Variants in DNAH2 observed in about 807,000 individuals in gnomAD.
The protein encoded by DNAH2 is axonemal beta dynein heavy chain 2.
Under a neutral mutation model 523.5 loss-of-function variants are expected in DNAH2, and 323 were observed. The observed-to-expected ratio is 0.62, with a 90% CI of 0.56 to 0.68. DNAH2 has a LOEUF of 0.68. Ranked by LOEUF, DNAH2 falls within the 30% of genes least tolerant of loss-of-function variation. DNAH2 has a pLI of 0.00. For synonymous variants in DNAH2, 2,093 were observed against 2,177.4 expected (o/e 0.96, Z 1.08); for missense variants, 4,907 against 5,701.5 (o/e 0.86, Z 4.49).
At chr17:7,801,783 C>A in intron 57 of DNAH2, 73 bp downstream of exon 57, 1 of 1,609,574 alleles carries the variant, frequency 6.2e-7, no homozygotes. Context: ...CTCATCGCAC[C>A]CCCGGCCTCT....
chr17:7,810,353 C>T (rs2077479428), intron 63 of DNAH2, among the ~76,000 whole-genome samples: 1 of 152,028 alleles, frequency 6.6e-6, no homozygotes, highest in Non-Finnish European at 1.5e-5. Flanking sequence ...GGGTGAGCCA[C>T]CCCACCTGGC....
chr17:7,786,676 C>T lies in DNAH2; in HGVS notation c.6455C>T (p.Thr2152Met), dbSNP rs369087648. 38 of 1,613,724 alleles carry T rather than the reference C, an allele frequency of 2.4e-5. No individual in the cohort carries two copies. Among genetic ancestry groups the T allele is most frequent in the African/African-American group, 1.1e-4 (8 of 74,858 alleles). ...TDGILSSVMR[T>M]ACADEKPDEK... The stretch of plus-strand genomic sequence containing the variant: ...GGCATCTTGTCCAGTGTCATGCGGA[C>T]GGCATGTGCAGGTATCCAGAGGATC... Residue 2152 changes from threonine (T) to methionine (M), a missense_variant, in exon 41 of 86, where the codon ACG (threonine) becomes ATG (methionine). Transcript: ENST00000572933. This position sits in a 1 kb window ranked among gnomAD's most constrained non-coding sequence, Gnocchi z 7.5.
Position 7,754,591 on chromosome 17 carries a change from C to A in DNAH2, c.1905-2500C>A. On this transcript the variant is annotated intron_variant, in intron 12 of 85. Transcript: ENST00000572933. The surrounding 1 kb of genome is among the most constrained non-coding windows in gnomAD (Gnocchi z 4.6). Reference sequence around the variant, plus strand: ...AATGCCAAGGCCATGAGTCCACGTGCCGAGGCTCTCAAGGCCCTCGTAAAG... The same window carrying A: ...AATGCCAAGGCCATGAGTCCACGTGACGAGGCTCTCAAGGCCCTCGTAAAG... 1 of 1,498,474 alleles carries A rather than the reference C, an allele frequency of 6.7e-7. No individual in the cohort carries two copies. Among genetic ancestry groups the A allele is most frequent in the South Asian group, 1.1e-5 (1 of 88,864 alleles). The allele number at this position is 1,498,474 out of a possible 1,614,324, so 92.8% of individuals were successfully genotyped here. A position where few individuals can be genotyped will look rare whatever the true frequency, so the allele number is the denominator to read the frequency against.
chr17:7,817,938 C>T lies in DNAH2; in HGVS notation c.10237-8C>T. On this transcript the variant is annotated splice_polypyrimidine_tract_variant and splice_region_variant and intron_variant, in intron 67 of 85. Transcript: ENST00000572933. The stretch of plus-strand genomic sequence containing the variant: ...TAGTGTTCCTTCACCTTCCCCCTTG[C>T]TCTCTAGGGCCTGAAGATCATCGAC... 6.2e-7 allele frequency: 1 copy of T among 1,614,054 alleles called. No homozygotes were observed. Among genetic ancestry groups the T allele is most frequent in the Non-Finnish European group, 8.5e-7 (1 of 1,179,986 alleles).
At position 7,753,204 on chromosome 17, in the gene DNAH2, T is replaced by C. The variant is rs576352223; in HGVS notation, c.1905-3887T>C. 5.3e-5 allele frequency among the ~76,000 whole-genome samples: 8 copies of C among 152,194 alleles called. No individual in the cohort carries two copies. The East Asian group carries it at 1.4e-3, about 26-fold the overall frequency. On this transcript the variant is annotated intron_variant, in intron 12 of 85. Coordinates refer to ENST00000572933, the MANE Select transcript of DNAH2 (RefSeq NM_020877.5). ...CATGGTTCTGGTGTAGGCGGTGGGA[T>C]AGTACCCTTCCCTGAGGCAGGAGCG... is the stretch of plus-strand genomic sequence containing the variant.
chr17:7,786,812 T>A lies in DNAH2; in HGVS notation c.6467-85T>A. 6.2e-7 allele frequency: 1 copy of A among 1,604,632 alleles called. No homozygotes were observed. The highest frequency in any genetic ancestry group is 8.5e-7 in the Non-Finnish European group (1 of 1,173,734). On this transcript the variant is annotated intron_variant, in intron 41 of 85. Coordinates refer to ENST00000572933, the MANE Select transcript of DNAH2 (RefSeq NM_020877.5). This position sits in a 1 kb window ranked among gnomAD's most constrained non-coding sequence, Gnocchi z 7.5. ...TGGGGAATGCTGAAGTACAAGGGAG[T>A]GTAGGCTTGTGTCTCCGAGGAGCGT...
At chr17:7,776,961 C>A in intron 32 of DNAH2, 72 bp downstream of exon 32, 1 of 1,277,264 alleles carries the variant, frequency 7.8e-7, no homozygotes, top group Non-Finnish European at 1.1e-6. Flanking sequence ...TAGGAGCCCA[C>A]TCGCTTGAGC....
chr17:7,798,075 G>A lies in DNAH2; in HGVS notation c.8231-82G>A. The A allele has an allele frequency of 6.7e-7, 1 of 1,499,436 alleles. No homozygotes were observed. The highest frequency in any genetic ancestry group is 1.3e-5 in the South Asian group (1 of 74,496). The allele number at this position is 1,499,436 out of a possible 1,614,324, so 92.9% of individuals were successfully genotyped here. On this transcript the variant is annotated intron_variant, in intron 53 of 85. Transcript: ENST00000572933. This position sits in a 1 kb window ranked among gnomAD's most constrained non-coding sequence, Gnocchi z 5.5. ...TGGTTCCTCTGCTTCAGTTTCAGGG[G>A]CCCCAATCCCTAGCCTAGGGCCTGG...
chr17:7,734,222 TC>T lies in DNAH2; in HGVS notation c.671del (p.Pro224LeufsTer5), dbSNP rs1279743616. On this transcript the variant is annotated frameshift_variant, in exon 6 of 86. Transcript: ENST00000572933. LOFTEE classifies it high-confidence loss of function. ...CTGGAGGGGCACACGGTCCTCTACA[TC>T]CCTGCAGAGGCCATGAACATGAAGC... ...YKLEGHTVLY[I>X]PAEAMNMKPE... 10 of 1,605,188 alleles carry T rather than the reference TC, an allele frequency of 6.2e-6. No homozygotes were observed. Among genetic ancestry groups the T allele is most frequent in the Non-Finnish European group, 8.5e-6 (10 of 1,175,668 alleles).
rs376197339 is a variant in DNAH2 at position 7,734,644 on chromosome 17, C to A, written c.914C>A (p.Ser305Tyr). 6.2e-7 allele frequency: 1 copy of A among 1,613,060 alleles called. No homozygotes were observed. The highest frequency in any genetic ancestry group is 1.3e-5 in the African/African-American group (1 of 74,630). Residue 305 changes from serine (S) to tyrosine (Y), a missense_variant, in exon 7 of 86, where the codon TCC becomes TAC. Ser to Tyr is a moderately radical substitution (Grantham distance 144, BLOSUM62 -2). This residue lies in a region of DNAH2 where 2,806 missense variants were observed against 3,190.8 expected (regional missense o/e 0.88). Transcript: ENST00000572933. ...AAGAAGGGAGTGAAGCACGTTGAAT[C>A]CATCCTGCACCTTGCCAAGTCGTCC... ...LVKKGVKHVE[S>Y]ILHLAKSSYL...
Position 7,780,032 on chromosome 17 carries a change from A to C in DNAH2, c.5723-125A>C. On this transcript the variant is annotated intron_variant, in intron 36 of 85. Transcript: ENST00000572933. The surrounding 1 kb of genome is among the most constrained non-coding windows in gnomAD (Gnocchi z 4.4). ...GAGATGAGAAAGGATGTGGTCTTGG[A>C]GTTGGAGAGAAAGTTAGGGATGGAG... 7.8e-7 allele frequency: 1 copy of C among 1,276,480 alleles called. No homozygotes were observed. Among genetic ancestry groups the C allele is most frequent in the Non-Finnish European group, 1.1e-6 (1 of 918,416 alleles). 79.1% of individuals were successfully genotyped at this position (1,276,480 alleles called of 1,614,324 possible). A position where few individuals can be genotyped will look rare whatever the true frequency, so the allele number is the denominator to read the frequency against.
At chr17:7,789,166 A>AAAAAAC (rs144349820) in intron 44 of DNAH2, among the ~76,000 whole-genome samples, 5 of 151,592 alleles carry the variant, frequency 3.3e-5, no homozygotes, top group South Asian at 4.2e-4. Flanking sequence ...ACTCTGTCTC[A>AAAAAAC]AAAAACAAAA....
chr17:7,824,080 A>G (rs1258234085), intron 75 of DNAH2, 41 bp from the exon 76 acceptor site: 2 of 1,569,058 alleles, frequency 1.3e-6, no homozygotes, highest in Non-Finnish European at 8.6e-7. Context: ...CACTTTGGTC[A>G]TGTGGCCTTC....
At chr17:7,743,909 T>C (rs999584921) in intron 12 of DNAH2, 2 of 152,476 alleles carry the variant, frequency 1.3e-5, no homozygotes, top group African/African-American at 4.8e-5. Flanking sequence ...GCACCTTCCA[T>C]GTGTCAGGAA....
In DNAH2 at chr17:7,771,401, C is replaced by A; in HGVS notation, c.4434C>A (p.Ser1478Arg). The A allele has an allele frequency of 6.2e-7, 1 of 1,614,096 alleles. No individual in the cohort carries two copies. The highest frequency in any genetic ancestry group is 8.5e-7 in the Non-Finnish European group (1 of 1,179,988). Reference protein sequence around the residue: ...NESTLFDQVNSNWKAIMDRMN... With the variant: ...NESTLFDQVNRNWKAIMDRMN... ...CGACCTTATTTGACCAGGTCAACAG[C>A]AACTGGAAAGCCATCATGGACAGGA... Residue 1478 changes from serine to arginine, a missense_variant, in exon 28 of 86, where the codon AGC becomes AGA. Ser to Arg is a moderately radical substitution (Grantham distance 110). Coordinates refer to ENST00000572933, the MANE Select transcript of DNAH2 (RefSeq NM_020877.5).
In DNAH2 at chr17:7,776,128, G is replaced by C. The variant is rs754896164; in HGVS notation, c.4926G>C (p.Trp1642Cys). The C allele has an allele frequency of 2.5e-5, 41 of 1,613,760 alleles. No homozygotes were observed. The highest frequency in any genetic ancestry group is 3.3e-5 in the Non-Finnish European group (39 of 1,179,896). The change falls in exon 31 of 86, where the codon TGG (tryptophan) becomes TGC (cysteine). Residue 1642 changes from tryptophan (W) to cysteine (C), a missense_variant. By Grantham distance (215) the Trp-to-Cys change is radical. Transcript: ENST00000572933. ...LRKFLNKRDK[W>C]VKEWAGQVVI... is the part of the protein sequence containing the mutation. Reference sequence around the variant, plus strand: ...AGTTCCTCAACAAGAGGGACAAATGGGTGAAGGAGTGGGCTGGCCAGGTGA... The same window carrying C: ...AGTTCCTCAACAAGAGGGACAAATGCGTGAAGGAGTGGGCTGGCCAGGTGA...
At chr17:7,789,658 C>T (rs748592558) in intron 44 of DNAH2, among the ~76,000 whole-genome samples, 2 of 150,886 alleles carry the variant, frequency 1.3e-5, no homozygotes, top group Non-Finnish European at 2.9e-5. Flanking sequence ...CTCACCGCAA[C>T]CTCCGCCTTG....
rs377271135 is a variant in DNAH2 at position 7,757,080 on chromosome 17, C to T, written c.1905-11C>T. ...GCGGTCCCCTCACTGCCTGGCTGCT[C>T]TCTCTCAAAGGTCCCTTCTGATTCT... is the stretch of plus-strand genomic sequence containing the variant. On this transcript the variant is annotated splice_polypyrimidine_tract_variant and intron_variant, in intron 12 of 85. Transcript: ENST00000572933. 89 of 1,613,972 alleles carry T rather than the reference C, an allele frequency of 5.5e-5. No individual in the cohort carries two copies. The African/African-American group carries it at 1.1e-3, about 20-fold the overall frequency.
In DNAH2 at chr17:7,734,476, T is replaced by C; in HGVS notation, c.746T>C (p.Met249Thr). Residue 249 changes from methionine to threonine, a missense_variant, in exon 7 of 86, where the codon ATG becomes ACG. By Grantham distance (81) the Met-to-Thr change is moderately conservative. This residue lies in a region of DNAH2 where 2,806 missense variants were observed against 3,190.8 expected (regional missense o/e 0.88). Transcript: ENST00000572933. The stretch of plus-strand genomic sequence containing the variant: ...TTTGTACTCTCCCCTGCAGCCTCCA[T>C]GATCCACTGGACCCGGCAGATAAAG... ...KELVQRLETSMIHWTRQIKEM... is the reference protein window; with the variant it reads ...KELVQRLETSTIHWTRQIKEM... The C allele has an allele frequency of 6.2e-7, 1 of 1,613,916 alleles. No individual in the cohort carries two copies. The highest frequency in any genetic ancestry group is 1.3e-5 in the African/African-American group (1 of 74,968).
Sources: gnomAD v4.1 joint callset for allele counts (sites outside exome capture counted in the v4.1 genomes callset) on GRCh38, gnomAD v4.1.1 for gene constraint, gnomAD v4.1.1 regional missense constraint, Gnocchi (gnomAD v3.1) non-coding constraint, MANE v1.5 for transcripts, NCBI Gene and HGNC (gene_info 2026-07-23, HGNC 2026-07-21) for gene names.